CAAP1: variants seen among roughly 807,000 people sequenced by gnomAD.
CAAP1 encodes the protein caspase activity and apoptosis inhibitor 1.
In CAAP1, 20 loss-of-function variants were observed where a neutral mutation model predicts 34.0. That is an observed-to-expected ratio of 0.59 (90% CI 0.41 to 0.86). CAAP1 has a LOEUF of 0.86. Ranked by LOEUF, CAAP1 falls within the 40% of genes least tolerant of loss-of-function variation. CAAP1 has a pLI of 0.00. For synonymous variants in CAAP1, 213 were observed against 166.7 expected (o/e 1.28, Z -2.14); for missense variants, 538 against 450.5 (o/e 1.19, Z -1.76).
intron 5 of CAAP1, among the ~76,000 whole-genome samples, chr9:26,860,514 C>T (rs1157204497): frequency 1.3e-5 from 2 of 152,092 alleles, no homozygotes; most frequent in African/African-American, 2.4e-5. Context: ...TAAAATAGGC[C>T]GGGCGTGGTG....
At chr9:26,860,243 A>C (rs1822971845) in intron 5 of CAAP1, among the ~76,000 whole-genome samples, 1 of 152,260 alleles carries the variant, frequency 6.6e-6, no homozygotes, top group Admixed American at 6.5e-5. Context: ...GAAGTAAAAA[A>C]GGCATTTAAA....
intron 1 of CAAP1, among the ~76,000 whole-genome samples, chr9:26,891,530 T>C (rs1823903155): frequency 6.6e-6 from 1 of 152,092 alleles, no homozygotes; most frequent in Non-Finnish European, 1.5e-5. Context: ...ATAACTCTTG[T>C]AGGAGATATA....
At chr9:26,869,880 T>C (rs555618480) in intron 4 of CAAP1, 55 of 829,166 alleles carry the variant, frequency 6.6e-5, no homozygotes, top group Non-Finnish European at 7.6e-5. Context: ...GAAACTTCAA[T>C]TTTTTAAAAA....
intron 4 of CAAP1, among the ~76,000 whole-genome samples, chr9:26,865,515 A>T (rs373741967): frequency 6.8e-6 from 1 of 147,586 alleles, no homozygotes; most frequent in Non-Finnish European, 1.5e-5. Flanking sequence ...CAAGAGAGAA[A>T]CTATGTCTCA....
chr9:26,884,029 C>G (rs1823665042), intron 4 of CAAP1, among the ~76,000 whole-genome samples: 1 of 152,196 alleles, frequency 6.6e-6, no homozygotes, highest in Non-Finnish European at 1.5e-5. Context: ...GTAACCTCTT[C>G]TTACGTGTAC....
intron 4 of CAAP1, among the ~76,000 whole-genome samples, chr9:26,864,534 C>T (rs1379582234): frequency 1.3e-5 from 2 of 152,144 alleles, no homozygotes; most frequent in African/African-American, 4.8e-5. Context: ...ATCAAACGAT[C>T]AGTTACCACA....
intron 5 of CAAP1, among the ~76,000 whole-genome samples, chr9:26,851,928 T>C (rs778224984): frequency 6.6e-6 from 1 of 152,234 alleles, no homozygotes; most frequent in Non-Finnish European, 1.5e-5. Context: ...AAACTCATTA[T>C]CTACTTCATA....
At chr9:26,883,637 TA>T (rs2131338221) in intron 4 of CAAP1, among the ~76,000 whole-genome samples, 1 of 152,156 alleles carries the variant, frequency 6.6e-6, no homozygotes, top group Admixed American at 6.5e-5. Flanking sequence ...GGATAACAAA[TA>T]TAATCAAGCA....
At position 26,867,603 on chromosome 9, in the gene CAAP1, G is replaced by A. The variant is rs547391113; in HGVS notation, c.666-6464C>T. ...TTTCACTAGAATCCATTTTTTTTAG[G>A]TATTAGCATTATCTGTGATTCTGTC... On this transcript the variant is annotated intron_variant, in intron 4 of 5. Coordinates refer to ENST00000333916, the MANE Select transcript of CAAP1 (RefSeq NM_024828.4). Among the ~76,000 whole-genome samples the A allele has an allele frequency of 4.6e-5, 7 of 152,060 alleles. No homozygotes were observed. The South Asian group carries it at 1.5e-3, about 32-fold the overall frequency.
At chr9:26,845,043 T>C (rs756837371) in intron 5 of CAAP1, among the ~76,000 whole-genome samples, 2 of 152,248 alleles carry the variant, frequency 1.3e-5, no homozygotes, top group East Asian at 1.9e-4. Flanking sequence ...GCTCAAATGG[T>C]ACCTTATCAG....
intron 4 of CAAP1, among the ~76,000 whole-genome samples, chr9:26,864,273 T>C (rs1823076263): frequency 6.6e-6 from 1 of 152,132 alleles, no homozygotes. Flanking sequence ...TTTTTTAAAA[T>C]CAGAGTAATA....
Position 26,886,120 on chromosome 9 carries a change from A to AT in CAAP1, c.572_573insA (p.Leu192PhefsTer5). 1 of 1,554,834 alleles carries AT rather than the reference A, an allele frequency of 6.4e-7. No individual in the cohort carries two copies. The highest frequency in any genetic ancestry group is 8.7e-7 in the Non-Finnish European group (1 of 1,153,572). On this transcript the variant is annotated frameshift_variant, in exon 3 of 6. Transcript: ENST00000333916. LOFTEE classifies it high-confidence loss of function. The stretch of plus-strand genomic sequence containing the variant: ...TATTCTTACCCTCAAGAATCTTCAA[A>AT]ATTTTTTTTTCAGACAGGAGCTCTA...
chr9:26,863,953 G>A (rs1434189774), intron 4 of CAAP1, among the ~76,000 whole-genome samples: 8 of 152,020 alleles, frequency 5.3e-5, no homozygotes, highest in Middle Eastern at 3.4e-3. Context: ...CATCATGCCC[G>A]GCTAATTTTT....
At chr9:26,845,218 C>T (rs1822571771) in intron 5 of CAAP1, among the ~76,000 whole-genome samples, 1 of 152,196 alleles carries the variant, frequency 6.6e-6, no homozygotes, top group Admixed American at 6.5e-5. Context: ...TTCCTTGGTG[C>T]TTAAAACAGT....
At chr9:26,846,464 A>G (rs1464027323) in intron 5 of CAAP1, among the ~76,000 whole-genome samples, 2 of 151,312 alleles carry the variant, frequency 1.3e-5, no homozygotes, top group Non-Finnish European at 2.9e-5. Flanking sequence ...AGAAAAAAGA[A>G]AGACTTACAC....
intron 1 of CAAP1, among the ~76,000 whole-genome samples, chr9:26,889,134 T>G (rs1020900430): frequency 6.6e-6 from 1 of 152,176 alleles, no homozygotes; most frequent in Admixed American, 6.5e-5. Context: ...TAAAACTGAC[T>G]AGGCCGGCGC....
At chr9:26,850,792 T>A (rs1822731457) in intron 5 of CAAP1, among the ~76,000 whole-genome samples, 1 of 152,218 alleles carries the variant, frequency 6.6e-6, no homozygotes, top group Admixed American at 6.5e-5. Flanking sequence ...TTCTTATGTG[T>A]AGTGTATTAA....
chr9:26,870,565 C>T (rs777096912), intron 4 of CAAP1, among the ~76,000 whole-genome samples: 7 of 143,596 alleles, frequency 4.9e-5, no homozygotes, highest in African/African-American at 1.3e-4. Context: ...CACACACACA[C>T]GTATAAATAC....
intron 4 of CAAP1, among the ~76,000 whole-genome samples, chr9:26,880,980 C>T (rs1563891875): frequency 6.6e-6 from 1 of 152,092 alleles, no homozygotes; most frequent in Non-Finnish European, 1.5e-5. Context: ...CAAGCCCTCT[C>T]TTTCTTTCAT....
Sources: gnomAD v4.1 joint callset for allele counts (sites outside exome capture counted in the v4.1 genomes callset) on GRCh38, gnomAD v4.1.1 for gene constraint, MANE v1.5 for transcripts, NCBI Gene and HGNC (gene_info 2026-07-23, HGNC 2026-07-21) for gene names.